USP47: variants seen among roughly 807,000 people sequenced by gnomAD.
USP47 encodes ubiquitin specific peptidase 47, also known as ubiquitin carboxyl-terminal hydrolase 47.
Under a neutral mutation model 165.1 loss-of-function variants are expected in USP47, and 35 were observed. That is an observed-to-expected ratio of 0.21 (90% CI 0.16 to 0.28). The LOEUF (loss-of-function observed/expected upper bound fraction) is 0.28. Among genes scored for constraint, USP47 ranks in the 10% least tolerant of loss-of-function variants. The pLI, the probability that USP47 is intolerant of heterozygous loss-of-function variation, is 1.00. For missense variants in USP47, 1,277 were observed against 1,607.4 expected (o/e 0.79, Z 3.52); for synonymous variants, 531 against 544.5 (o/e 0.98, Z 0.35).
chr11:11,892,380 C>CTTTTT lies in USP47; in HGVS notation c.496+289_496+293dup, dbSNP rs1300802562. 1.8e-3 allele frequency among the ~76,000 whole-genome samples: 215 copies of CTTTTT among 121,060 alleles called. 11 individuals carry two copies. The highest frequency in any genetic ancestry group is 2.7e-3 in the Non-Finnish European group (161 of 59,282). 79.4% of individuals were successfully genotyped at this position (121,060 alleles called of 152,430 possible). A position where few individuals can be genotyped will look rare whatever the true frequency, so the allele number is the denominator to read the frequency against. On this transcript the variant is annotated intron_variant, in intron 4 of 27. Coordinates refer to ENST00000527733, the MANE Select transcript of USP47 (RefSeq NM_001282659.2). ...AGACTTTTCTTTTCTTTTTAATTTT[C>CTTTTT]TTTTTTTTTTTTTTTTTTTGAGACA...
rs146181185 is a variant in USP47, at chr11:11,857,443, GAA to G, written c.39+15221_39+15222del. On this transcript the variant is annotated intron_variant, in intron 1 of 27. Transcript: ENST00000527733. ...TTGACATTTTAAATTCGTATGTCTT[GAA>G]ATATTTATTTACCTTTAGTTATTTA... is the stretch of plus-strand genomic sequence containing the variant. 4.1e-3 allele frequency among the ~76,000 whole-genome samples: 627 copies of G among 152,172 alleles called. 7 individuals are homozygous for G. The highest frequency in any genetic ancestry group is 0.014 in the African/African-American group (579 of 41,534).
intron 1 of USP47, among the ~76,000 whole-genome samples, chr11:11,863,079 T>C (rs910196768): frequency 6.6e-6 from 1 of 152,216 alleles, no homozygotes; most frequent in Non-Finnish European, 1.5e-5. Context: ...TAAGAAAGTC[T>C]TGAATTTTTA....
rs1564901544 is a variant in USP47, at chr11:11,960,600, C to T, written c.*4425C>T. 6.6e-6 allele frequency among the ~76,000 whole-genome samples: 1 copy of T among 152,178 alleles called. No individual in the cohort carries two copies. The highest frequency in any genetic ancestry group is 1.9e-4 in the East Asian group (1 of 5,186). On this transcript the variant is annotated 3_prime_UTR_variant, in exon 28 of 28. Transcript: ENST00000527733. ...TAAAATCTAACCTCTCCTCCCTCAACGGAGTGTCAGGGAGGGGAAGAATCT... is the reference window on the plus strand; with the variant it reads ...TAAAATCTAACCTCTCCTCCCTCAATGGAGTGTCAGGGAGGGGAAGAATCT...
At chr11:11,897,489 G>A in intron 4 of USP47, 108 bp from the exon 5 acceptor site, 2 of 779,742 alleles carry the variant, frequency 2.6e-6, no homozygotes, top group Non-Finnish European at 4.0e-6. Flanking sequence ...TTCCAAATGA[G>A]TAGTAACTTT....
At chr11:11,953,201 T>TA (rs954772252) in intron 25 of USP47, among the ~76,000 whole-genome samples, 9 of 151,952 alleles carry the variant, frequency 5.9e-5, no homozygotes, top group East Asian at 5.8e-4. Flanking sequence ...GCTTTATGTC[T>TA]AAAAAAAACC....
chr11:11,910,792 G>T lies in USP47; in HGVS notation c.969+5244G>T, dbSNP rs1024406979. On this transcript the variant is annotated intron_variant, in intron 8 of 27. Transcript: ENST00000527733. ...CCCAGATGGTACAGTGTCAAAGGAG[G>T]CATTTAAACTAGAAGGTTTAAATAT... Among the ~76,000 whole-genome samples the T allele has an allele frequency of 2.6e-5, 4 of 151,978 alleles. No homozygotes were observed. The South Asian group carries it at 6.2e-4, about 24-fold the overall frequency.
At chr11:11,943,747 C>A (rs867497369) in intron 20 of USP47, 1 of 151,954 alleles carries the variant, frequency 6.6e-6, no homozygotes, top group African/African-American at 2.4e-5. Flanking sequence ...AATAAAAGAA[C>A]CTTTATAAAA....
Position 11,914,378 on chromosome 11 carries a change from A to G in USP47, c.970-5778A>G, listed in dbSNP as rs1202118483. 2.0e-5 allele frequency among the ~76,000 whole-genome samples: 3 copies of G among 152,122 alleles called. No homozygotes were observed. In the East Asian group the frequency reaches 5.8e-4, roughly 29 times the overall value. On this transcript the variant is annotated intron_variant, in intron 8 of 27. Transcript: ENST00000527733. ...ACAAAAATGAACCTTGACTTAAATG[A>G]CTTTATACAAAAATTAACTCAAAAT...
intron 11 of USP47, 88 bp downstream of exon 11, chr11:11,922,979 G>T: frequency 8.3e-7 from 1 of 1,202,870 alleles, no homozygotes; most frequent in East Asian, 3.0e-5. Context: ...GACTGATAAA[G>T]TTATCTTTAA....
chr11:11,872,240 A>G (rs530246768), intron 1 of USP47, among the ~76,000 whole-genome samples: 36 of 152,264 alleles, frequency 2.4e-4, no homozygotes, highest in Admixed American at 1.0e-3. Flanking sequence ...ACATCTACAC[A>G]TAGTTTTTCC....
In USP47 at chr11:11,956,233, A is replaced by G; in HGVS notation, c.*58A>G. On this transcript the variant is annotated 3_prime_UTR_variant, in exon 28 of 28. Coordinates refer to ENST00000527733, the MANE Select transcript of USP47 (RefSeq NM_001282659.2). ...TTTGGTTTTAATTAGATGGTTCACT[A>G]CCACTGGGTAGTGCCATTTTGGCCG... 1.3e-6 allele frequency: 2 copies of G among 1,591,892 alleles called. No homozygotes were observed. The highest frequency in any genetic ancestry group is 2.3e-5 in the South Asian group (2 of 88,426).
rs559694111 is a variant in USP47 at position 11,845,675 on chromosome 11, G to A, written c.39+3451G>A. ...TATTCAGTAAATATTCGTTGATGTG[G>A]TGACAGAGTTGTAAGTAAATTTAGC... On this transcript the variant is annotated intron_variant, in intron 1 of 27. Transcript: ENST00000527733. Among the ~76,000 whole-genome samples, 4 of 152,264 alleles carry A rather than the reference G, an allele frequency of 2.6e-5. No homozygotes were observed. In the East Asian group the frequency reaches 5.8e-4, roughly 22 times the overall value.
intron 23 of USP47, 114 bp downstream of exon 23, chr11:11,950,118 A>C (rs1169986858): frequency 1.2e-6 from 1 of 824,002 alleles, no homozygotes. Flanking sequence ...GCTATTCAGA[A>C]TTTTAGTATG....
At chr11:11,915,571 A>G (rs552005990) in intron 8 of USP47, among the ~76,000 whole-genome samples, 1 of 152,330 alleles carries the variant, frequency 6.6e-6, no homozygotes, top group South Asian at 2.1e-4. Flanking sequence ...GATATGCCAT[A>G]GTTTTGCAAA....
intron 24 of USP47, 33 bp from the exon 25 acceptor site, chr11:11,952,708 A>G (rs374343036): frequency 6.4e-7 from 1 of 1,553,610 alleles, no homozygotes; most frequent in Non-Finnish European, 8.7e-7. Flanking sequence ...TTCAGAGGAA[A>G]TAGAATGATG....
chr11:11,905,267 A>G (rs1852486360), intron 7 of USP47, 132 bp from the exon 8 acceptor site: 1 of 341,894 alleles, frequency 2.9e-6, no homozygotes. Context: ...ATAGATAAAT[A>G]TTAATGTTTT....
chr11:11,945,618 C>T (rs1855768962), intron 20 of USP47, among the ~76,000 whole-genome samples: 1 of 150,790 alleles, frequency 6.6e-6, no homozygotes, highest in South Asian at 2.1e-4. Context: ...TTTCTCCGTA[C>T]AATTTTGGTT....
At chr11:11,848,226 T>C (rs1260501078) in intron 1 of USP47, among the ~76,000 whole-genome samples, 1 of 152,362 alleles carries the variant, frequency 6.6e-6, no homozygotes. Flanking sequence ...CTGAGAAATG[T>C]ATCATTAGAC....
At chr11:11,849,183 G>C (rs1432632674) in intron 1 of USP47, among the ~76,000 whole-genome samples, 1 of 152,102 alleles carries the variant, frequency 6.6e-6, no homozygotes, top group African/African-American at 2.4e-5. Flanking sequence ...GGCTATAGGC[G>C]TGAGCCACCA....
Sources: gnomAD v4.1 joint callset for allele counts (sites outside exome capture counted in the v4.1 genomes callset) on GRCh38, gnomAD v4.1.1 for gene constraint, MANE v1.5 for transcripts, NCBI Gene and HGNC (gene_info 2026-07-23, HGNC 2026-07-21) for gene names.